Variants in ERAP1 observed in about 807,000 individuals in gnomAD.
The protein encoded by ERAP1 is adipocyte-derived leucine aminopeptidase.
Under a neutral mutation model 103.7 loss-of-function variants are expected in ERAP1, and 86 were observed. The observed-to-expected ratio is 0.83, with a 90% confidence interval of 0.70 to 0.99. ERAP1 has a LOEUF of 0.99. ERAP1 is among the 50% of genes least tolerant of loss of function. The pLI is 0.00. For synonymous variants in ERAP1, 398 were observed against 402.4 expected, an observed-to-expected ratio of 0.99 and a Z score of 0.13; for missense variants, 1,009 against 1,128.4, an observed-to-expected ratio of 0.89 and a Z score of 1.52.
At chr5:96,841,884 C>T in the ERAP1 span, among the ~76,000 whole-genome samples, 1 of 151,654 alleles carries the variant, frequency 6.6e-6, no homozygotes, top group Non-Finnish European at 1.5e-5. Flanking sequence ...TTGGTGCACC[C>T]GTCACCGAGC....
chr5:96,828,796 AC>A, the ERAP1 span, among the ~76,000 whole-genome samples: 1 of 152,152 alleles, frequency 6.6e-6, no homozygotes, highest in Non-Finnish European at 1.5e-5. Context: ...TTAAGAAATT[AC>A]CCATTTACTG....
At chr5:96,927,335 A>G in the ERAP1 span, among the ~76,000 whole-genome samples, 3 of 152,084 alleles carry the variant, frequency 2.0e-5, no homozygotes, top group South Asian at 2.1e-4. Context: ...TGGTTTTTTT[A>G]TTGTAGCTAT....
intron 19 of ERAP1, among the ~76,000 whole-genome samples, chr5:96,767,687 A>G (rs1770488724): frequency 1.3e-5 from 2 of 152,240 alleles, no homozygotes. Flanking sequence ...TGAGGCTCAG[A>G]GAATGCTAAG....
At chr5:96,885,177 C>A in the ERAP1 span, among the ~76,000 whole-genome samples, 1 of 152,176 alleles carries the variant, frequency 6.6e-6, no homozygotes, top group Non-Finnish European at 1.5e-5. Context: ...AGACGTATTT[C>A]CCCATAGTCT....
the ERAP1 span, among the ~76,000 whole-genome samples, chr5:96,880,653 T>C: frequency 2.0e-5 from 3 of 152,194 alleles, no homozygotes; most frequent in African/African-American, 4.8e-5. Flanking sequence ...TGACAAAGTA[T>C]ACATTGCCTA....
chr5:96,889,341 G>A, the ERAP1 span: 1 of 1,612,482 alleles, frequency 6.2e-7, no homozygotes. Context: ...CTTCATTTTT[G>A]CTCATAAAAC....
At chr5:96,903,368 T>C in the ERAP1 span, 1 of 1,598,748 alleles carries the variant, frequency 6.3e-7, no homozygotes, top group Non-Finnish European at 8.5e-7. Flanking sequence ...GCCAATCTTA[T>C]CCTCTTAGAT....
At chr5:96,861,170 A>G in the ERAP1 span, among the ~76,000 whole-genome samples, 2 of 152,176 alleles carry the variant, frequency 1.3e-5, no homozygotes, top group African/African-American at 4.8e-5. Flanking sequence ...CCACTCCACA[A>G]CAAAGAAGGT....
rs551139878 is a variant in ERAP1, at chr5:96,786,340, A to G, written c.1759+130T>C. 268 of 692,250 alleles carry G rather than the reference A, an allele frequency of 3.9e-4. 2 individuals carry two copies. In the South Asian group the frequency reaches 4.3e-3, roughly 11 times the overall value. 42.9% of individuals were successfully genotyped at this position (692,250 alleles called of 1,614,324 possible). A position where few individuals can be genotyped will look rare whatever the true frequency, so the allele number is the denominator to read the frequency against. On this transcript the variant is annotated intron_variant, in intron 12 of 18. Coordinates refer to ENST00000443439, the MANE Select transcript of ERAP1 (RefSeq NM_001040458.3). ...GCAAGATATTGGCCATTCTTCTTTG[A>G]AACCAGAAAGCATTTTCAATCTGAT...
chr5:96,847,673 T>C, the ERAP1 span, among the ~76,000 whole-genome samples: 3 of 152,150 alleles, frequency 2.0e-5, no homozygotes, highest in South Asian at 4.1e-4. Flanking sequence ...GGAGGAATCA[T>C]AGGAAGGTCG....
the ERAP1 span, among the ~76,000 whole-genome samples, chr5:96,928,909 T>G: frequency 2.0e-5 from 3 of 152,204 alleles, no homozygotes; most frequent in African/African-American, 7.2e-5. Flanking sequence ...GGCTCAAGCA[T>G]GTGCACTAAG....
the ERAP1 span, among the ~76,000 whole-genome samples, chr5:96,850,717 A>G: frequency 6.6e-6 from 1 of 152,228 alleles, no homozygotes; most frequent in Non-Finnish European, 1.5e-5. Flanking sequence ...GTATCAAAAC[A>G]TCACATTATA....
At chr5:96,878,832 G>A in the ERAP1 span, among the ~76,000 whole-genome samples, 4 of 152,126 alleles carry the variant, frequency 2.6e-5, no homozygotes, top group African/African-American at 7.2e-5. Context: ...GGAGGCTGAG[G>A]GAGAAGAATC....
the ERAP1 span, among the ~76,000 whole-genome samples, chr5:96,897,759 C>G: frequency 0.33 from 50,316 of 151,912 alleles, 8,871 homozygotes; most frequent in East Asian, 0.46. Flanking sequence ...TTTATAGAAC[C>G]ATTAGACCCA....
chr5:96,787,424 C>G (rs1038228523), intron 11 of ERAP1, among the ~76,000 whole-genome samples: 3 of 152,100 alleles, frequency 2.0e-5, no homozygotes, highest in Admixed American at 2.0e-4. Context: ...CGCCACCATG[C>G]CCGGCTAATT....
the ERAP1 span, among the ~76,000 whole-genome samples, chr5:96,929,460 C>A: frequency 7.7e-4 from 102 of 132,732 alleles, no homozygotes; most frequent in African/African-American, 2.7e-3. Context: ...CTTTTCCTTC[C>A]TTCCTTCCTT....
At position 96,791,560 on chromosome 5, in the gene ERAP1, T is replaced by C. The variant is rs185493610; in HGVS notation, c.1320+501A>G. 3.7e-4 allele frequency among the ~76,000 whole-genome samples: 56 copies of C among 152,320 alleles called. No individual in the cohort carries two copies. The East Asian group carries it at 9.5e-3, about 26-fold the overall frequency. ...AGCTTATGCTGCAAAGAACATACAG[T>C]GGCCAAATCCTCCTTTTTCTTCCCC... is the stretch of plus-strand genomic sequence containing the variant. On this transcript the variant is annotated intron_variant, in intron 8 of 18. Coordinates refer to ENST00000443439, the MANE Select transcript of ERAP1 (RefSeq NM_001040458.3).
In ERAP1 at chr5:96,776,124, GAGA is replaced by G; in HGVS notation, c.*269_*271del. On this transcript the variant is annotated 3_prime_UTR_variant, in exon 19 of 19. Coordinates refer to ENST00000443439, the MANE Select transcript of ERAP1 (RefSeq NM_001040458.3). ...GGTGCTTAAGCATAAACTATAAAAT[GAGA>G]AGAATAAGGTACTTTATTCTTCTGT... 4 of 1,411,566 alleles carry G rather than the reference GAGA, an allele frequency of 2.8e-6. No individual in the cohort carries two copies. Among genetic ancestry groups the G allele is most frequent in the East Asian group, 3.3e-5 (1 of 30,366 alleles). 87.4% of individuals were successfully genotyped at this position (1,411,566 alleles called of 1,614,324 possible). A position where few individuals can be genotyped will look rare whatever the true frequency, so the allele number is the denominator to read the frequency against.
the ERAP1 span, among the ~76,000 whole-genome samples, chr5:96,880,585 A>G: frequency 6.6e-5 from 10 of 152,228 alleles, no homozygotes; most frequent in Admixed American, 1.3e-4. Flanking sequence ...AAAGGAAGTG[A>G]GTCTTCATCT....
Sources: allele counts gnomAD v4.1 joint callset (sites outside exome capture counted in the v4.1 genomes callset), GRCh38; gene constraint gnomAD v4.1.1; transcripts MANE v1.5; gene names NCBI Gene and HGNC (gene_info 2026-07-23, HGNC 2026-07-21).